FRMD4A: variants seen among roughly 807,000 people sequenced by gnomAD.
FRMD4A encodes the protein FERM domain containing 4A.
A neutral mutation model predicts 129.1 loss-of-function variants in FRMD4A; 29 were observed. The observed-to-expected ratio is 0.22, with a 90% CI of 0.17 to 0.31. The LOEUF is 0.31. Ranked by LOEUF, FRMD4A falls within the 10% of genes least tolerant of loss-of-function variation. The probability of loss-of-function intolerance (pLI) is 1.00; values close to 1 mark genes in which losing one functional copy is unlikely to be tolerated. For missense variants in FRMD4A, 1,272 were observed against 1,375.8 expected (o/e 0.92, Z 1.19); for synonymous variants, 634 against 571.6 (o/e 1.11, Z -1.56).
intron 2 of FRMD4A, among the ~76,000 whole-genome samples, chr10:14,323,346 G>C (rs550952093): frequency 6.6e-6 from 1 of 152,266 alleles, no homozygotes; most frequent in Non-Finnish European, 1.5e-5. Flanking sequence ...ATGCATATCT[G>C]GTTGAATTAT....
chr10:14,209,488 G>A (rs1411414523), intron 2 of FRMD4A, among the ~76,000 whole-genome samples: 1 of 152,036 alleles, frequency 6.6e-6, no homozygotes, highest in African/African-American at 2.4e-5. Flanking sequence ...GCTCACGCCT[G>A]TAATCCCAGC....
intron 2 of FRMD4A, among the ~76,000 whole-genome samples, chr10:13,889,005 A>T (rs1013702243): frequency 2.6e-5 from 4 of 152,248 alleles, no homozygotes; most frequent in African/African-American, 9.6e-5. Context: ...ATGAGGGGTA[A>T]GTATATGGCT....
chr10:13,872,574 C>G (rs974959179), intron 2 of FRMD4A, among the ~76,000 whole-genome samples: 3 of 152,262 alleles, frequency 2.0e-5, no homozygotes, highest in Non-Finnish European at 4.4e-5. Context: ...CACATGCGTT[C>G]ACGCAGACGT....
chr10:13,707,953 C>G, intron 12 of FRMD4A: 2 of 927,878 alleles, frequency 2.2e-6, no homozygotes, highest in Non-Finnish European at 2.6e-6. Context: ...GCTCCAGGAA[C>G]GGGGTTCCTT....
intron 3 of FRMD4A, among the ~76,000 whole-genome samples, chr10:13,853,361 G>C (rs373963606): frequency 6.6e-6 from 1 of 152,194 alleles, no homozygotes; most frequent in East Asian, 1.9e-4. Context: ...AGCCTGGGCA[G>C]CAGAGGGAGA....
chr10:13,733,371 G>T (rs550579554), intron 12 of FRMD4A, among the ~76,000 whole-genome samples: 1 of 152,216 alleles, frequency 6.6e-6, no homozygotes, highest in South Asian at 2.1e-4. Context: ...TCTTAGCGGG[G>T]TGGGGGGGTA....
Position 13,657,406 on chromosome 10 carries a change from G to T in FRMD4A, c.2183C>A (p.Pro728His). The part of the protein sequence containing the change: ...LLGSENDTGS[P>H]DFYTPRTRSS... ...ACGAGTCCGCGGGGTGTAGAAGTCG[G>T]GGCTCCCGGTGTCGTTTTCCGAGCC... Residue 728 changes from proline to histidine, a missense_variant, in exon 22 of 25, where the codon CCC (proline) becomes CAC (histidine). Pro to His is a moderately conservative substitution (Grantham distance 77). Around this residue, in one of 2 missense-constraint regions of FRMD4A, gnomAD observed 972 missense variants for 892.3 expected, o/e 1.09. Coordinates refer to ENST00000357447, the MANE Select transcript of FRMD4A (RefSeq NM_018027.5). 1 of 1,612,874 alleles carries T rather than the reference G, an allele frequency of 6.2e-7. No homozygotes were observed.
At chr10:13,788,203 A>G (rs1387605666) in intron 5 of FRMD4A, among the ~76,000 whole-genome samples, 1 of 152,094 alleles carries the variant, frequency 6.6e-6, no homozygotes, top group East Asian at 1.9e-4. Context: ...GTCACCATGG[A>G]TCCAGGGTCC....
chr10:13,805,054 A>G (rs2093336205), intron 4 of FRMD4A, among the ~76,000 whole-genome samples: 1 of 152,192 alleles, frequency 6.6e-6, no homozygotes, highest in Non-Finnish European at 1.5e-5. Context: ...TTTTGTATGT[A>G]AACTTTTATG....
intron 16 of FRMD4A, among the ~76,000 whole-genome samples, chr10:13,673,437 C>T (rs144600693): frequency 5.3e-5 from 8 of 152,326 alleles, no homozygotes; most frequent in Non-Finnish European, 8.8e-5. Context: ...CTTTGACTTA[C>T]TTTGGGAACC....
intron 2 of FRMD4A, among the ~76,000 whole-genome samples, chr10:13,971,126 G>C (rs751606225): frequency 6.6e-6 from 1 of 151,432 alleles, no homozygotes; most frequent in Non-Finnish European, 1.5e-5. Flanking sequence ...ATGCACACAC[G>C]CACGCACGCG....
chr10:14,109,726 C>A (rs559366333), intron 2 of FRMD4A, among the ~76,000 whole-genome samples: 10 of 152,240 alleles, frequency 6.6e-5, no homozygotes, highest in African/African-American at 2.4e-4. Flanking sequence ...AATCTCAGCA[C>A]TTTGGGAGGC....
chr10:13,995,772 C>T (rs551528955), intron 2 of FRMD4A, among the ~76,000 whole-genome samples: 60 of 151,656 alleles, frequency 4.0e-4, no homozygotes, highest in African/African-American at 1.4e-3. Context: ...CACCATTCTA[C>T]GTTGTTGATT....
At chr10:13,888,130 TA>T (rs2094647242) in intron 2 of FRMD4A, among the ~76,000 whole-genome samples, 3 of 152,110 alleles carry the variant, frequency 2.0e-5, no homozygotes, top group African/African-American at 7.2e-5. Flanking sequence ...AAACAACAAC[TA>T]AAAATGGAAA....
chr10:13,707,257 GACAC>G (rs377738435), intron 12 of FRMD4A, 144 bp from the exon 13 acceptor site: 19 of 738,748 alleles, frequency 2.6e-5, no homozygotes, highest in South Asian at 8.2e-5. Flanking sequence ...CCTCTTGCTT[GACAC>G]ACACACACAC....
intron 2 of FRMD4A, among the ~76,000 whole-genome samples, chr10:14,224,888 G>A (rs566017765): frequency 4.4e-4 from 67 of 152,294 alleles, no homozygotes; most frequent in African/African-American, 1.1e-3. Context: ...AGAGGAAGCC[G>A]TTATTGACCT....
At chr10:13,663,432 G>A in intron 19 of FRMD4A, 21 bp downstream of exon 19, 1 of 1,275,512 alleles carries the variant, frequency 7.8e-7, no homozygotes, top group Non-Finnish European at 1.1e-6. Context: ...AGGTTTGTAA[G>A]CAGGAAATGC....
chr10:14,109,116 G>A (rs1588992561), intron 2 of FRMD4A, among the ~76,000 whole-genome samples: 1 of 151,558 alleles, frequency 6.6e-6, no homozygotes, highest in East Asian at 1.9e-4. Flanking sequence ...GAGATTCCAA[G>A]CTCCTCACCC....
chr10:13,837,452 A>G (rs147805357), intron 3 of FRMD4A, among the ~76,000 whole-genome samples: 1 of 152,266 alleles, frequency 6.6e-6, no homozygotes, highest in African/African-American at 2.4e-5. Context: ...AAGATTCCTG[A>G]CCTTGTTTAA....
Sources: gnomAD v4.1 joint callset for allele counts (sites outside exome capture counted in the v4.1 genomes callset) on GRCh38, gnomAD v4.1.1 for gene constraint, gnomAD v4.1.1 regional missense constraint, MANE v1.5 for transcripts, NCBI Gene and HGNC (gene_info 2026-07-23, HGNC 2026-07-21) for gene names.